The following KIF15 variants were observed in gnomAD, a reference collection of about 807,000 sequenced individuals.
KIF15 encodes kinesin-like protein KIF15.
In KIF15, 140 loss-of-function variants were observed where a neutral mutation model predicts 190.6. The observed-to-expected ratio is 0.73, with a 90% CI of 0.64 to 0.84. The LOEUF (loss-of-function observed/expected upper bound fraction) is 0.84. KIF15 is among the 40% of genes least tolerant of loss of function. The pLI, the probability that KIF15 is intolerant of heterozygous loss-of-function variation, is 0.00. For missense variants in KIF15, 1,372 were observed against 1,584.4 expected, an observed-to-expected ratio of 0.87 and a Z score of 2.28; for synonymous variants, 528 against 551.3, an observed-to-expected ratio of 0.96 and a Z score of 0.59.
At chr3:44,774,460 T>G in intron 2 of KIF15, 23 bp downstream of exon 2, 2 of 1,592,538 alleles carry the variant, frequency 1.3e-6, no homozygotes, top group Non-Finnish European at 1.7e-6. Flanking sequence ...ATATTCTCAA[T>G]GAGCTCCCAA....
chr3:44,838,847 C>T (rs1464446697), intron 27 of KIF15, among the ~76,000 whole-genome samples: 1 of 151,908 alleles, frequency 6.6e-6, no homozygotes, highest in East Asian at 1.9e-4. Context: ...AAAGGGGAGG[C>T]TAATGGAGTA....
At chr3:44,781,219 T>G (rs1477969364) in intron 5 of KIF15, among the ~76,000 whole-genome samples, 4 of 152,196 alleles carry the variant, frequency 2.6e-5, no homozygotes, top group Admixed American at 2.6e-4. Flanking sequence ...ACTAACCAGA[T>G]CAAGATTCCT....
At chr3:44,858,138 G>A (rs1207550769), downstream of KIF15, among the ~76,000 whole-genome samples, 1 of 152,144 alleles carries the variant, frequency 6.6e-6, no homozygotes, top group African/African-American at 2.4e-5. Flanking sequence ...GGGGTGTAGG[G>A]GAATAGTGAA....
At chr3:44,826,330 T>C (rs2125688514) in intron 21 of KIF15, 45 bp from the exon 22 acceptor site, 1 of 1,568,032 alleles carries the variant, frequency 6.4e-7, no homozygotes, top group East Asian at 2.2e-5. Context: ...TCGTTGACTA[T>C]GCATTGCTAG....
Position 44,813,173 on chromosome 3 carries a change from A to T in KIF15, c.2376A>T (p.Lys792Asn). 1 of 1,573,728 alleles carries T rather than the reference A, an allele frequency of 6.4e-7. No individual in the cohort carries two copies. Among genetic ancestry groups the T allele is most frequent in the Non-Finnish European group, 8.7e-7 (1 of 1,152,790 alleles). Residue 792 changes from lysine to asparagine, a missense_variant, in exon 19 of 35, where the codon AAA becomes AAT. Coordinates refer to ENST00000326047, the MANE Select transcript of KIF15 (RefSeq NM_020242.3). ...LEKQLQETQTKNDFLKSEVHD... is the reference protein window; with the variant it reads ...LEKQLQETQTNNDFLKSEVHD... ...AGCAGCTTCAAGAGACTCAAACTAA[A>T]AATGACTGTAAGTTATTCTATCAGG... is the stretch of plus-strand genomic sequence containing the variant.
At chr3:44,853,551 T>C (rs1319572112), downstream of KIF15, among the ~76,000 whole-genome samples, 1 of 152,248 alleles carries the variant, frequency 6.6e-6, no homozygotes, top group Non-Finnish European at 1.5e-5. Context: ...ATTTCATATC[T>C]CTTGAGCACA....
At chr3:44,793,478 G>A (rs1215295944) in intron 7 of KIF15, among the ~76,000 whole-genome samples, 1 of 152,174 alleles carries the variant, frequency 6.6e-6, no homozygotes, top group Non-Finnish European at 1.5e-5. Context: ...GGCAAAACCA[G>A]TTCTAGATCC....
chr3:44,805,682 A>G (rs988829306), intron 15 of KIF15, among the ~76,000 whole-genome samples, 163 bp from the exon 16 acceptor site: 1 of 152,226 alleles, frequency 6.6e-6, no homozygotes, highest in Non-Finnish European at 1.5e-5. Flanking sequence ...TCTGAGCTGT[A>G]GTTTACTGAA....
chr3:44,763,141 TAA>T (rs1274235878), intron 1 of KIF15, among the ~76,000 whole-genome samples: 2 of 152,206 alleles, frequency 1.3e-5, no homozygotes, highest in Non-Finnish European at 2.9e-5. Context: ...TCCACTCCTT[TAA>T]GTTTGTTGGC....
intron 18 of KIF15, 32 bp from the exon 19 acceptor site, chr3:44,813,043 C>A: frequency 7.4e-7 from 1 of 1,349,546 alleles, no homozygotes. Context: ...GCCAGTATTC[C>A]TTTTCCAGTA....
At chr3:44,791,919 A>G (rs1449786604) in intron 7 of KIF15, among the ~76,000 whole-genome samples, 2 of 151,894 alleles carry the variant, frequency 1.3e-5, no homozygotes, top group Non-Finnish European at 2.9e-5. Flanking sequence ...GGGTTTCACC[A>G]TGTTGGTCAG....
intron 6 of KIF15, 60 bp from the exon 7 acceptor site, chr3:44,786,335 A>T: frequency 7.1e-7 from 1 of 1,405,724 alleles, no homozygotes; most frequent in East Asian, 2.3e-5. Context: ...ATTAATGCTC[A>T]TGAAAACTAG....
chr3:44,861,915 A>C (rs1699254732), intron 6 of KIF15: 3 of 1,475,906 alleles, frequency 2.0e-6, no homozygotes, highest in Non-Finnish European at 2.7e-6. Context: ...GCACGGTGTC[A>C]GCAGGCAACA....
chr3:44,811,082 C>T (rs1212900936), intron 17 of KIF15, 39 bp downstream of exon 17: 1 of 1,417,464 alleles, frequency 7.1e-7, no homozygotes, highest in Non-Finnish European at 9.7e-7. Context: ...AACTGGACAT[C>T]CATTTAAATA....
intron 16 of KIF15, among the ~76,000 whole-genome samples, chr3:44,808,773 T>C (rs1373756891): frequency 6.6e-6 from 1 of 152,214 alleles, no homozygotes. Flanking sequence ...TCAAGGGTTA[T>C]GAGCCTCATA....
rs1343761915 is a variant in KIF15, at chr3:44,840,448, G to A, written c.3412G>A (p.Asp1138Asn). The change falls in exon 28 of 35, where the codon GAT (aspartate) becomes AAT (asparagine). Residue 1138 changes from aspartate (D) to asparagine (N), a missense_variant. Coordinates refer to ENST00000326047, the MANE Select transcript of KIF15 (RefSeq NM_020242.3). ...ACATGTGATGGATTCTGCTGCTGAG[G>A]ATCCCCAGGTACTTTTCAGAAAAAG... ...LEHVMDSAAE[D>N]PQSPKTPPHF... is the part of the protein sequence containing the mutation. The A allele has an allele frequency of 1.9e-6, 3 of 1,592,982 alleles. No homozygotes were observed. The highest frequency in any genetic ancestry group is 2.6e-6 in the Non-Finnish European group (3 of 1,164,538).
chr3:44,858,052 G>A (rs373633773), downstream of KIF15, among the ~76,000 whole-genome samples: 66 of 152,340 alleles, frequency 4.3e-4, no homozygotes, highest in South Asian at 0.014. Flanking sequence ...GAAGCCTTGC[G>A]GCAGTACAGC....
At chr3:44,794,859 G>C (rs1226478128) in intron 8 of KIF15, among the ~76,000 whole-genome samples, 1 of 152,118 alleles carries the variant, frequency 6.6e-6, no homozygotes, top group African/African-American at 2.4e-5. Flanking sequence ...CTACTTGGGA[G>C]ACTGAGGCAG....
At chr3:44,810,450 G>A (rs984707868) in intron 16 of KIF15, among the ~76,000 whole-genome samples, 1 of 151,764 alleles carries the variant, frequency 6.6e-6, no homozygotes, top group African/African-American at 2.4e-5. Context: ...GTAGAGACAG[G>A]ATCTCACTAT....
Sources: allele counts gnomAD v4.1 joint callset (sites outside exome capture counted in the v4.1 genomes callset), GRCh38; gene constraint gnomAD v4.1.1; transcripts MANE v1.5; gene names NCBI Gene and HGNC (gene_info 2026-07-23, HGNC 2026-07-21).